Variants in WDR90 observed in about 807,000 individuals in gnomAD.
WDR90 encodes WD repeat domain 90, also known as WD repeat-containing protein 90.
WDR90 carries 238 observed loss-of-function variants against 195.2 expected under a neutral mutation model. The ratio of observed to expected loss-of-function variants is 1.22; its 90% confidence interval spans 1.10 to 1.36. The LOEUF (loss-of-function observed/expected upper bound fraction) is 1.36. WDR90 is among the 40% of genes most tolerant of loss of function. WDR90 has a pLI of 0.00. For synonymous variants in WDR90, 1,265 were observed against 1,052.4 expected (o/e 1.20, Z -3.91); for missense variants, 2,734 against 2,439.5 (o/e 1.12, Z -2.54).
At chr16:660,918 G>T in intron 28 of WDR90, 133 bp from the exon 29 acceptor site, 1 of 647,086 alleles carries the variant, frequency 1.5e-6, no homozygotes, top group East Asian at 1.1e-4. Flanking sequence ...GGCGCAGCTG[G>T]GACGATGCTA....
rs2037861508 is a variant in WDR90, at chr16:660,043, C to T, written c.3185-15C>T. The T allele has an allele frequency of 2.0e-6, 3 of 1,533,412 alleles. No homozygotes were observed. The highest frequency in any genetic ancestry group is 2.7e-5 in the African/African-American group (2 of 72,934). 95.0% of individuals were successfully genotyped at this position (1,533,412 alleles called of 1,614,324 possible). A position where few individuals can be genotyped will look rare whatever the true frequency, so the allele number is the denominator to read the frequency against. ...GGGCAGTGTAATGCCACAAGCTCTG[C>T]CTCCTCCCTGCCAGGCGCCAGGGAC... On this transcript the variant is annotated splice_polypyrimidine_tract_variant and intron_variant, in intron 26 of 40. Coordinates refer to ENST00000293879, the MANE Select transcript of WDR90 (RefSeq NM_145294.5).
Position 653,398 on chromosome 16 carries a change from G to T in WDR90, c.1180G>T (p.Val394Phe), listed in dbSNP as rs768214262. 2 of 1,608,540 alleles carry T rather than the reference G, an allele frequency of 1.2e-6. No individual in the cohort carries two copies. Among genetic ancestry groups the T allele is most frequent in the East Asian group, 4.5e-5 (2 of 44,846 alleles). Reference sequence around the variant, plus strand: ...GTACCCCTGCCATGCGGTCATCGTCGTCCTGCTCGTGGACACGGGGGAGCA... The same window carrying T: ...GTACCCCTGCCATGCGGTCATCGTCTTCCTGCTCGTGGACACGGGGGAGCA... ...VVYPCHAVIVVLLVDTGEQRF... is the reference protein window; with the variant it reads ...VVYPCHAVIVFLLVDTGEQRF... The change falls in exon 11 of 41, where the codon GTC (valine) becomes TTC (phenylalanine). Residue 394 changes from valine to phenylalanine, a missense_variant. Physicochemically the swap from Val to Phe is conservative, Grantham distance 50. Transcript: ENST00000293879.
At position 650,293 on chromosome 16, in the gene WDR90, A is replaced by G. The variant is rs1414957345; in HGVS notation, c.319A>G (p.Lys107Glu). 6.2e-7 allele frequency: 1 copy of G among 1,612,926 alleles called. No homozygotes were observed. Among genetic ancestry groups the G allele is most frequent in the Admixed American group, 1.7e-5 (1 of 60,028 alleles). ...CCGTGTGTCTTTCTCCAACCTCTTC[A>G]AGGAGTTTAAGTCTACGGCCACGTG... is the stretch of plus-strand genomic sequence containing the variant. ...VIRVSFSNLF[K>E]EFKSTATWLQ... The change falls in exon 4 of 41, where the codon AAG becomes GAG. Residue 107 changes from lysine to glutamate, a missense_variant. Lys to Glu is a moderately conservative substitution (Grantham distance 56). Coordinates refer to ENST00000293879, the MANE Select transcript of WDR90 (RefSeq NM_145294.5).
chr16:665,743 T>G lies in WDR90; in HGVS notation c.4376T>G (p.Val1459Gly). The G allele has an allele frequency of 6.2e-7, 1 of 1,609,864 alleles. No homozygotes were observed. Reference sequence around the variant, plus strand: ...GCCACATGCAGTGAGGATGGGAGTGTGCGGGTGTGGGCCTTGGCCAGCATG... The same window carrying G: ...GCCACATGCAGTGAGGATGGGAGTGGGCGGGTGTGGGCCTTGGCCAGCATG... ...HCATCSEDGS[V>G]RVWALASMEL... Residue 1459 changes from valine (V) to glycine (G), a missense_variant, in exon 35 of 41, where the codon GTG (valine) becomes GGG (glycine). Val to Gly is a moderately radical substitution (Grantham distance 109). Coordinates refer to ENST00000293879, the MANE Select transcript of WDR90 (RefSeq NM_145294.5).
rs2037804446 is a variant in WDR90, at chr16:658,276, C to CT, written c.2699dup (p.Leu901AlafsTer29). ...CTTTGGCCCTGCAGCTCTGGGCCAC[C>CT]TGCTGGTGTCCACCTCGTCCAACAG... On this transcript the variant is annotated frameshift_variant, in exon 22 of 41. Coordinates refer to ENST00000293879, the MANE Select transcript of WDR90 (RefSeq NM_145294.5). LOFTEE classifies it high-confidence loss of function. The CT allele has an allele frequency of 1.2e-6, 2 of 1,612,550 alleles. No homozygotes were observed. The highest frequency in any genetic ancestry group is 1.7e-6 in the Non-Finnish European group (2 of 1,179,896).
chr16:654,699 C>T (rs1450907556), intron 13 of WDR90: 1 of 349,452 alleles, frequency 2.9e-6, no homozygotes, highest in Non-Finnish European at 5.3e-6. Context: ...GTCCTCCCAC[C>T]TCAGCCTCCC....
At position 658,627 on chromosome 16, in the gene WDR90, G is replaced by T; in HGVS notation, c.2869G>T (p.Ala957Ser). The change falls in exon 23 of 41, where the codon GCC becomes TCC. Residue 957 changes from alanine to serine, a missense_variant. By Grantham distance (99) the Ala-to-Ser change is moderately conservative. Transcript: ENST00000293879. ...AGRTIKVWDY[A>S]TQASPGPQVY... ...CCGGACCATCAAGGTGTGGGACTAC[G>T]CCACACAGGCCAGCCCAGGCCCCCA... is the stretch of plus-strand genomic sequence containing the variant. 1.9e-6 allele frequency: 3 copies of T among 1,612,280 alleles called. No homozygotes were observed. The highest frequency in any genetic ancestry group is 2.5e-6 in the Non-Finnish European group (3 of 1,179,668).
Position 650,082 on chromosome 16 carries a change from T to G in WDR90, c.194T>G (p.Leu65Arg). The change falls in exon 3 of 41, where the codon CTG becomes CGG. Residue 65 changes from leucine (L) to arginine (R), a missense_variant. Leu to Arg is a moderately radical substitution (Grantham distance 102). Coordinates refer to ENST00000293879, the MANE Select transcript of WDR90 (RefSeq NM_145294.5). Reference sequence around the variant, plus strand: ...CTCCCTAAGAGCAGCACCCAGTCTCTGGGGCTGACGGGACGATACCTGTAT... The same window carrying G: ...CTCCCTAAGAGCAGCACCCAGTCTCGGGGGCTGACGGGACGATACCTGTAT... ...IQLPKSSTQSLGLTGRYLYVL... is the reference protein window; with the variant it reads ...IQLPKSSTQSRGLTGRYLYVL... The G allele has an allele frequency of 1.2e-6, 2 of 1,613,066 alleles. No individual in the cohort carries two copies. Among genetic ancestry groups the G allele is most frequent in the Non-Finnish European group, 1.7e-6 (2 of 1,179,980 alleles).
In WDR90 at chr16:658,364, C is replaced by A. The variant is rs1307664341; in HGVS notation, c.2766+20C>A. The A allele has an allele frequency of 6.2e-7, 1 of 1,609,516 alleles. No homozygotes were observed. Among genetic ancestry groups the A allele is most frequent in the African/African-American group, 1.3e-5 (1 of 74,890 alleles). ...CGGGAGGTGAGCCTCAGGGCTGTGG[C>A]CCGCCGACCTGGCCCTCCCTGTGCT... is the stretch of plus-strand genomic sequence containing the variant. On this transcript the variant is annotated intron_variant, in intron 22 of 40. Transcript: ENST00000293879.
intron 28 of WDR90, 48 bp from the exon 29 acceptor site, chr16:660,983 TCCCCAGGCCCCTCCCCGCCC>T: frequency 4.4e-5 from 1 of 22,848 alleles, no homozygotes; most frequent in Non-Finnish European, 6.9e-5. Context: ...GTTCGGCCCC[TCCCCAGGCCCCTCCCCGCCC>T]CCCCCCCCCC....
chr16:649,831 C>T lies in WDR90; in HGVS notation c.79C>T (p.Gln27Ter). 1 of 1,582,820 alleles carries T rather than the reference C, an allele frequency of 6.3e-7. No homozygotes were observed. Among genetic ancestry groups the T allele is most frequent in the Non-Finnish European group, 8.6e-7 (1 of 1,164,964 alleles). Residue 27 changes from glutamine (Q) to a stop codon, truncating the protein, a stop_gained, in exon 2 of 41, where the codon CAG becomes TAG. Coordinates refer to ENST00000293879, the MANE Select transcript of WDR90 (RefSeq NM_145294.5). LOFTEE classifies it high-confidence loss of function. ...RVDEWKRSAK[Q>*]GDVAVVTDKT... is the part of the protein sequence containing the mutation. The stretch of plus-strand genomic sequence containing the variant: ...GGACGAGTGGAAGCGCTCCGCCAAG[C>T]AGGGGGACGTGGCCGTGGTCACGGT...
intron 29 of WDR90, 60 bp downstream of exon 29, chr16:661,232 T>G: frequency 6.6e-7 from 1 of 1,517,450 alleles, no homozygotes; most frequent in Non-Finnish European, 8.8e-7. Context: ...AGAACCCAGC[T>G]CCCGGACCGG....
rs773808845 is a variant in WDR90, at chr16:651,234, C to A, written c.704C>A (p.Pro235Gln). The A allele has an allele frequency of 3.1e-6, 5 of 1,613,158 alleles. No homozygotes were observed. Among genetic ancestry groups the A allele is most frequent in the Middle Eastern group, 1.7e-4 (1 of 6,060 alleles). The change falls in exon 7 of 41, where the codon CCG becomes CAG. Residue 235 changes from proline (P) to glutamine (Q), a missense_variant. By Grantham distance (76) the Pro-to-Gln change is moderately conservative (BLOSUM62 -1). Coordinates refer to ENST00000293879, the MANE Select transcript of WDR90 (RefSeq NM_145294.5). Reference protein sequence around the residue: ...PSESLKVPSKPIEKSCSPPEA... With the variant: ...PSESLKVPSKQIEKSCSPPEA... ...GAGAGCTTGAAAGTGCCTTCCAAGC[C>A]GATTGAGAAGAGCTGTTCCCCTCCT...
rs1435135230 is a variant in WDR90, at chr16:658,288, A to C, written c.2710A>C (p.Thr904Pro). Residue 904 changes from threonine (T) to proline (P), a missense_variant, in exon 22 of 41, where the codon ACC becomes CCC. Thr to Pro is a conservative substitution (Grantham distance 38). Coordinates refer to ENST00000293879, the MANE Select transcript of WDR90 (RefSeq NM_145294.5). Reference sequence around the variant, plus strand: ...AGCTCTGGGCCACCTGCTGGTGTCCACCTCGTCCAACAGAGTCGTGGTGCT... The same window carrying C: ...AGCTCTGGGCCACCTGCTGGTGTCCCCCTCGTCCAACAGAGTCGTGGTGCT... ...PAALGHLLVS[T>P]SSNRVVVLDA... The C allele has an allele frequency of 6.2e-7, 1 of 1,612,568 alleles. No homozygotes were observed. Among genetic ancestry groups the C allele is most frequent in the Admixed American group, 1.7e-5 (1 of 60,016 alleles).
intron 28 of WDR90, 116 bp downstream of exon 28, chr16:660,830 G>A: frequency 1.6e-6 from 2 of 1,217,302 alleles, no homozygotes; most frequent in Admixed American, 2.6e-5. Context: ...TCAGTGTGGG[G>A]CTCTGTTCTC....
chr16:652,655 C>T (rs997480202), intron 10 of WDR90, 120 bp downstream of exon 10: 1 of 1,116,570 alleles, frequency 9.0e-7, no homozygotes, highest in African/African-American at 1.6e-5. Context: ...CTCCCGAGCC[C>T]CCCTGGCACA....
In WDR90 at chr16:658,197, C is replaced by T. The variant is rs2037802213; in HGVS notation, c.2619C>T (p.Asp873=). The T allele has an allele frequency of 6.2e-7, 1 of 1,610,438 alleles. No individual in the cohort carries two copies. The stretch of plus-strand genomic sequence containing the variant: ...ACTACCCCCAGCTGCTGCGAGTTGA[C>T]ATCGGCACTCTGGACCTGGCCAGCA... ...SASLDELLRV[D]IGTLDLASSR... is the part of the protein sequence containing the mutation. Residue 873 remains aspartate, a synonymous_variant, in exon 22 of 41, where the codon GAC becomes GAT. Coordinates refer to ENST00000293879, the MANE Select transcript of WDR90 (RefSeq NM_145294.5).
Position 660,098 on chromosome 16 carries a change from C to G in WDR90, c.3225C>G (p.Thr1075=). Residue 1075 remains threonine (T), a synonymous_variant, in exon 27 of 41, where the codon ACC becomes ACG. Transcript: ENST00000293879. The part of the protein sequence containing the change: ...DTRNSGAPRT[T]YLASCKAFTP... ...GGAATTCGGGGGCCCCACGCACCAC[C>G]TACCTGGCTTCCTGCAAGGCCTTCA... The G allele has an allele frequency of 6.5e-7, 1 of 1,548,666 alleles. No homozygotes were observed. The highest frequency in any genetic ancestry group is 8.7e-7 in the Non-Finnish European group (1 of 1,147,064).
intron 17 of WDR90, 95 bp from the exon 18 acceptor site, chr16:656,207 G>A: frequency 8.7e-7 from 1 of 1,155,222 alleles, no homozygotes; most frequent in South Asian, 1.4e-5. Flanking sequence ...TGAGCAGCAG[G>A]GAGTGCATTT....
Sources: gnomAD v4.1 joint callset for allele counts on GRCh38, gnomAD v4.1.1 for gene constraint, MANE v1.5 for transcripts, NCBI Gene and HGNC (gene_info 2026-07-23, HGNC 2026-07-21) for gene names.